Variants in CACNA2D3 observed in about 807,000 individuals in gnomAD.
CACNA2D3 encodes voltage-dependent calcium channel subunit alpha-2/delta-3.
CACNA2D3 carries 60 observed loss-of-function variants against 160.6 expected under a neutral mutation model. The observed-to-expected ratio is 0.37, with a 90% CI of 0.30 to 0.46. The LOEUF is 0.46. Among genes scored for constraint, CACNA2D3 ranks in the 20% least tolerant of loss-of-function variants. The pLI is 1.00. For synonymous variants in CACNA2D3, 558 were observed against 492.9 expected, an observed-to-expected ratio of 1.13 and a Z score of -1.75; for missense variants, 1,205 against 1,365.0, an observed-to-expected ratio of 0.88 and a Z score of 1.85.
intron 3 of CACNA2D3, among the ~76,000 whole-genome samples, chr3:54,350,672 A>G (rs952304211): frequency 6.6e-6 from 1 of 152,202 alleles, no homozygotes; most frequent in African/African-American, 2.4e-5. Context: ...CACCAGCCAC[A>G]TTGTATCCTC....
At chr3:54,819,345 T>C (rs1319677059) in intron 14 of CACNA2D3, among the ~76,000 whole-genome samples, 1 of 152,226 alleles carries the variant, frequency 6.6e-6, no homozygotes, top group African/African-American at 2.4e-5. Flanking sequence ...GCCTGGCATA[T>C]GGTAGACCCT....
chr3:54,764,879 C>T (rs982781724), intron 13 of CACNA2D3, among the ~76,000 whole-genome samples: 2 of 152,084 alleles, frequency 1.3e-5, no homozygotes, highest in African/African-American at 4.8e-5. Flanking sequence ...GACCATGGGC[C>T]CATTCTAAAG....
chr3:54,292,825 G>GTA (rs1703243092), intron 2 of CACNA2D3, among the ~76,000 whole-genome samples: 1 of 152,092 alleles, frequency 6.6e-6, no homozygotes, highest in South Asian at 2.1e-4. Context: ...TCATTCCTAG[G>GTA]TATACACTGC....
intron 4 of CACNA2D3, among the ~76,000 whole-genome samples, chr3:54,434,368 C>G (rs980326490): frequency 1.3e-5 from 2 of 152,186 alleles, no homozygotes; most frequent in Admixed American, 1.3e-4. Flanking sequence ...CACACCCACC[C>G]AGCAGCAGTG....
intron 4 of CACNA2D3, among the ~76,000 whole-genome samples, chr3:54,440,853 A>G (rs561713077): frequency 6.6e-6 from 1 of 152,322 alleles, no homozygotes; most frequent in East Asian, 1.9e-4. Context: ...TCCATGGTGT[A>G]TATGTGCCAC....
intron 2 of CACNA2D3, among the ~76,000 whole-genome samples, chr3:54,289,994 A>G (rs570315596): frequency 4.0e-4 from 61 of 151,578 alleles, no homozygotes; most frequent in Middle Eastern, 3.4e-3. Flanking sequence ...GGACATAGGC[A>G]TGGGCAAGGA....
intron 3 of CACNA2D3, among the ~76,000 whole-genome samples, chr3:54,360,957 T>C (rs1698731579): frequency 6.6e-6 from 1 of 152,030 alleles, no homozygotes; most frequent in South Asian, 2.1e-4. Context: ...TTCAATGGTG[T>C]TAGAGTGTTT....
At chr3:54,189,760 G>C (rs1449092778) in intron 2 of CACNA2D3, among the ~76,000 whole-genome samples, 1 of 152,184 alleles carries the variant, frequency 6.6e-6, no homozygotes, top group East Asian at 1.9e-4. Flanking sequence ...TCAGCAGTCA[G>C]ATCCCACACA....
At chr3:54,924,068 C>T (rs1488472578) in intron 27 of CACNA2D3, among the ~76,000 whole-genome samples, 2 of 152,150 alleles carry the variant, frequency 1.3e-5, no homozygotes, top group Non-Finnish European at 2.9e-5. Context: ...AGATCTCTTG[C>T]TTTGCTGTTG....
chr3:54,434,046 C>G (rs575214892), intron 4 of CACNA2D3, among the ~76,000 whole-genome samples: 61 of 152,288 alleles, frequency 4.0e-4, no homozygotes, highest in African/African-American at 1.4e-3. Flanking sequence ...GGTTCTCCCA[C>G]TGGGTGGTGT....
At chr3:54,256,008 A>G (rs917417795) in intron 2 of CACNA2D3, among the ~76,000 whole-genome samples, 6 of 152,196 alleles carry the variant, frequency 3.9e-5, no homozygotes, top group Admixed American at 3.9e-4. Context: ...ATGCAAAAGC[A>G]TAGTTGGAAA....
chr3:54,167,213 C>T (rs1404823268), intron 2 of CACNA2D3, among the ~76,000 whole-genome samples: 8 of 152,138 alleles, frequency 5.3e-5, no homozygotes. Context: ...GTCATAAGCT[C>T]ACCTGGGGTG....
intron 27 of CACNA2D3, among the ~76,000 whole-genome samples, chr3:54,950,281 C>A (rs989632733): frequency 6.6e-6 from 1 of 152,156 alleles, no homozygotes; most frequent in East Asian, 1.9e-4. Flanking sequence ...CCCAAATGAA[C>A]GTAGATGTTA....
intron 2 of CACNA2D3, among the ~76,000 whole-genome samples, chr3:54,281,226 A>G (rs1225159547): frequency 1.3e-5 from 2 of 152,232 alleles, no homozygotes; most frequent in South Asian, 2.1e-4. Flanking sequence ...GCAAAACAGT[A>G]TCAGGAACAG....
At position 54,126,881 on chromosome 3, in the gene CACNA2D3, A is replaced by G. The variant is rs190760573; in HGVS notation, c.204+3287A>G. On this transcript the variant is annotated intron_variant, in intron 2 of 37. Coordinates refer to ENST00000474759, the MANE Select transcript of CACNA2D3 (RefSeq NM_018398.3). ...TGCCAGTCAGTATTCAGCTGCCTTT[A>G]TCTTGCTTCATTTTCCCCGAAGAAT... Among the ~76,000 whole-genome samples, 7 of 152,278 alleles carry G rather than the reference A, an allele frequency of 4.6e-5. 1 individual carries two copies. The highest frequency in any genetic ancestry group is 2.0e-4 in the Admixed American group (3 of 15,302).
At chr3:54,921,603 A>G (rs940033555) in intron 27 of CACNA2D3, among the ~76,000 whole-genome samples, 3 of 152,136 alleles carry the variant, frequency 2.0e-5, no homozygotes, top group Non-Finnish European at 2.9e-5. Context: ...ATTCTGGACA[A>G]TGGAATTCAA....
intron 11 of CACNA2D3, among the ~76,000 whole-genome samples, chr3:54,713,976 T>A (rs1465554282): frequency 6.6e-6 from 1 of 152,182 alleles, no homozygotes; most frequent in Non-Finnish European, 1.5e-5. Context: ...TTTTTGAATC[T>A]TCTTGGTGGG....
intron 27 of CACNA2D3, among the ~76,000 whole-genome samples, chr3:54,911,792 A>C (rs1700561754): frequency 6.6e-6 from 1 of 152,138 alleles, no homozygotes; most frequent in African/African-American, 2.4e-5. Flanking sequence ...TTCTATCCAA[A>C]ACTCTCTATT....
intron 27 of CACNA2D3, among the ~76,000 whole-genome samples, chr3:54,939,003 C>A (rs1281852104): frequency 6.6e-6 from 1 of 152,164 alleles, no homozygotes; most frequent in Non-Finnish European, 1.5e-5. Context: ...CGTTAGACAG[C>A]AAACTGGGAC....
Sources: allele counts gnomAD v4.1 joint callset (sites outside exome capture counted in the v4.1 genomes callset), GRCh38; gene constraint gnomAD v4.1.1; transcripts MANE v1.5; gene names NCBI Gene and HGNC (gene_info 2026-07-23, HGNC 2026-07-21).